The following RANBP1 variants were observed in gnomAD, a reference collection of about 807,000 sequenced individuals.
RANBP1 encodes the protein RAN binding protein 1.
Under a neutral mutation model 31.4 loss-of-function variants are expected in RANBP1, and 16 were observed. That is an observed-to-expected ratio of 0.51 (90% CI 0.34 to 0.77). The LOEUF (loss-of-function observed/expected upper bound fraction) is 0.77, where lower values mean the gene tolerates loss of function less well. Among genes scored for constraint, RANBP1 ranks in the 30% least tolerant of loss-of-function variants. RANBP1 has a pLI of 0.01. For missense variants in RANBP1, 265 were observed against 362.0 expected (o/e 0.73, Z 2.17); for synonymous variants, 129 against 140.5 (o/e 0.92, Z 0.58).
At chr22:20,117,254 C>A (rs1229495167) in intron 1 of RANBP1, 11 of 566,690 alleles carry the variant, frequency 1.9e-5, no homozygotes, top group Non-Finnish European at 3.0e-5. Flanking sequence ...ACGTCATCGT[C>A]ACGCGCCGGA....
At chr22:20,116,829 C>T in intron 1 of RANBP1, 1 of 1,512,702 alleles carries the variant, frequency 6.6e-7, no homozygotes, top group Non-Finnish European at 9.1e-7. Context: ...CCTGACCCAC[C>T]CCGCCTCCTC....
At chr22:20,122,192 C>T in intron 2 of RANBP1, 72 bp from the exon 3 acceptor site, 2 of 1,543,400 alleles carry the variant, frequency 1.3e-6, no homozygotes, top group South Asian at 2.4e-5. Flanking sequence ...CAGAGTTGTC[C>T]TGTGTCCTCC....
intron 4 of RANBP1, among the ~76,000 whole-genome samples, chr22:20,126,054 C>T (rs573708752): frequency 2.6e-5 from 4 of 152,362 alleles, no homozygotes; most frequent in South Asian, 2.1e-4. Flanking sequence ...GGTTGGGAGC[C>T]GAGCCTGTGG....
intron 1 of RANBP1, chr22:20,117,820 G>A (rs1170139837): frequency 1.6e-5 from 16 of 1,022,432 alleles, no homozygotes; most frequent in Non-Finnish European, 1.8e-5. Flanking sequence ...GGGCGCGTGG[G>A]GTTTGGGGGC....
intron 2 of RANBP1, 99 bp from the exon 3 acceptor site, chr22:20,122,165 C>T: frequency 7.3e-7 from 1 of 1,366,670 alleles, no homozygotes; most frequent in Admixed American, 2.0e-5. Context: ...TTCGTGGAGG[C>T]ATGGGGTCCT....
chr22:20,122,474 CT>C (rs1304832092), intron 3 of RANBP1, 53 bp downstream of exon 3: 1 of 1,610,494 alleles, frequency 6.2e-7, no homozygotes, highest in African/African-American at 1.3e-5. Context: ...GGCCTGGGAC[CT>C]TTGGGAAGAT....
At chr22:20,117,732 G>A in intron 1 of RANBP1, 2 of 1,096,216 alleles carry the variant, frequency 1.8e-6, no homozygotes, top group Non-Finnish European at 2.2e-6. Flanking sequence ...CGGCCACGTG[G>A]GCGGCCCGCG....
intron 2 of RANBP1, chr22:20,119,363 C>T: frequency 1.8e-6 from 1 of 559,994 alleles, no homozygotes; most frequent in Non-Finnish European, 3.2e-6. Flanking sequence ...GCATGAAGGG[C>T]ATCCCATCTT....
At chr22:20,122,872 GGT>G (rs1348432524) in intron 3 of RANBP1, among the ~76,000 whole-genome samples, 12 of 143,860 alleles carry the variant, frequency 8.3e-5, no homozygotes, top group Non-Finnish European at 1.2e-4. Flanking sequence ...TGTGTGGTTC[GGT>G]GTGTGTGGTG....
chr22:20,116,218 CTGAG>C lies in RANBP1; in HGVS notation c.37_40del (p.Ser13GlyfsTer52). ...GGCCTTGGGCCGGGCCAGGCGCACA[CTGAG>C]TGGGCGGCCTTTCCAGAGGGCACCA... On this transcript the variant is annotated frameshift_variant, in exon 1 of 6. Transcript: ENST00000430524. LOFTEE classifies it high-confidence loss of function. 6.2e-7 allele frequency: 1 copy of C among 1,613,048 alleles called. No individual in the cohort carries two copies. The highest frequency in any genetic ancestry group is 8.5e-7 in the Non-Finnish European group (1 of 1,180,022).
chr22:20,117,536 C>A (rs2050064057), intron 1 of RANBP1: 1 of 499,636 alleles, frequency 2.0e-6, no homozygotes, highest in African/African-American at 2.2e-5. Flanking sequence ...GAAGAGCGGG[C>A]GGGCGGGAGG....
intron 4 of RANBP1, among the ~76,000 whole-genome samples, chr22:20,126,078 G>T (rs1447885385): frequency 6.6e-6 from 1 of 152,254 alleles, no homozygotes; most frequent in Admixed American, 6.5e-5. Context: ...AGAGGCCCAT[G>T]CCCCTTGGTT....
At chr22:20,119,400 C>T (rs2050126288) in intron 2 of RANBP1, 1 of 456,716 alleles carries the variant, frequency 2.2e-6, no homozygotes, top group Admixed American at 3.9e-5. Flanking sequence ...GCATGGCGGC[C>T]CCACTGCCCT....
chr22:20,126,455 C>G (rs2050301082), intron 5 of RANBP1, 87 bp downstream of exon 5: 2 of 1,607,792 alleles, frequency 1.2e-6, no homozygotes, highest in South Asian at 2.2e-5. Context: ...TTTCTGTCTG[C>G]CAGATAAACA....
intron 1 of RANBP1, chr22:20,117,895 C>T (rs1352784882): frequency 2.0e-6 from 2 of 1,018,400 alleles, no homozygotes; most frequent in South Asian, 4.6e-5. Context: ...GGCTGCAGGG[C>T]CCCCGCGTGA....
Position 20,116,189 on chromosome 22 carries a change from G to A in RANBP1, c.5G>A (p.Gly2Glu). 1 of 1,613,046 alleles carries A rather than the reference G, an allele frequency of 6.2e-7. No homozygotes were observed. Among genetic ancestry groups the A allele is most frequent in the Non-Finnish European group, 8.5e-7 (1 of 1,179,988 alleles). ...TCCTGTCGCCTCCTCCTGGCCATGG[G>A]GTCGGCCTTGGGCCGGGCCAGGCGC... M[G>E]SALGRARRTL... is the part of the protein sequence containing the mutation. The change falls in exon 1 of 6, where the codon GGG becomes GAG. Residue 2 changes from glycine to glutamate, a missense_variant. Transcript: ENST00000430524.
At chr22:20,126,713 A>T (rs2050308757) in intron 5 of RANBP1, 1 of 1,476,100 alleles carries the variant, frequency 6.8e-7, no homozygotes. Context: ...AAGTGACCAG[A>T]TGTCACTGAG....
chr22:20,123,686 TG>T lies in RANBP1; in HGVS notation c.541+1268del, dbSNP rs546067561. On this transcript the variant is annotated intron_variant, in intron 3 of 5. Coordinates refer to ENST00000430524, the MANE Select transcript of RANBP1 (RefSeq NM_001278639.2). ...CTGAAGCTACATAAGTAGAGGCCCT[TG>T]GGCAGGTTCAGCCAAGAGCTCCAGC... 6.2e-3 allele frequency among the ~76,000 whole-genome samples: 944 copies of T among 152,080 alleles called. 3 individuals carry two copies. The highest frequency in any genetic ancestry group is 0.011 in the Non-Finnish European group (718 of 67,936).
In RANBP1 at chr22:20,116,407, A is replaced by G; in HGVS notation, c.223A>G (p.Ser75Gly). Reference protein sequence around the residue: ...LKLAWRGTFCSSSLKISEDTH... With the variant: ...LKLAWRGTFCGSSLKISEDTH... ...GCTGGCGTGGCGAGGCACGTTCTGC[A>G]GCTCCAGTTTAAAGATCTCAGAGGT... The change falls in exon 1 of 6, where the codon AGC becomes GGC. Residue 75 changes from serine to glycine, a missense_variant. Around this residue, in one of 3 missense-constraint regions of RANBP1, gnomAD observed 126 missense variants for 123.6 expected, o/e 1.02. Transcript: ENST00000430524. 3.1e-6 allele frequency: 5 copies of G among 1,611,832 alleles called. No homozygotes were observed. The highest frequency in any genetic ancestry group is 4.2e-6 in the Non-Finnish European group (5 of 1,178,998).
Sources: gnomAD v4.1 joint callset for allele counts (sites outside exome capture counted in the v4.1 genomes callset) on GRCh38, gnomAD v4.1.1 for gene constraint, gnomAD v4.1.1 regional missense constraint, MANE v1.5 for transcripts, NCBI Gene and HGNC (gene_info 2026-07-23, HGNC 2026-07-21) for gene names.